The following TMEM38B variants were observed in gnomAD, a reference collection of about 807,000 sequenced individuals.
TMEM38B encodes the protein trimeric intracellular cation channel type B.
A neutral mutation model predicts 28.7 loss-of-function variants in TMEM38B; 24 were observed. That is an observed-to-expected ratio of 0.84 (90% CI 0.61 to 1.18). The LOEUF is 1.18. Among genes scored for constraint, TMEM38B ranks in the 50% most tolerant of loss-of-function variants. The probability of loss-of-function intolerance (pLI) is 0.00; values close to 1 mark genes in which losing one functional copy is unlikely to be tolerated. For missense variants in TMEM38B, 380 were observed against 350.9 expected, an observed-to-expected ratio of 1.08 and a Z score of -0.66; for synonymous variants, 131 against 127.7, an observed-to-expected ratio of 1.03 and a Z score of -0.17.
intron 3 of TMEM38B, 112 bp downstream of exon 3, chr9:105,721,833 CTT>C: frequency 1.2e-6 from 1 of 823,916 alleles, no homozygotes; most frequent in Non-Finnish European, 1.7e-6. Context: ...ATAACAGAGA[CTT>C]TTTGGAAGGT....
chr9:105,707,101 G>A (rs1354485810), intron 2 of TMEM38B, among the ~76,000 whole-genome samples: 1 of 152,096 alleles, frequency 6.6e-6, no homozygotes, highest in Non-Finnish European at 1.5e-5. Context: ...TTTAATAGAA[G>A]CATTTCCAAT....
At chr9:105,710,513 TC>T in intron 2 of TMEM38B, 1 of 1,230,210 alleles carries the variant, frequency 8.1e-7, no homozygotes. Flanking sequence ...TGTCTTCCGA[TC>T]CCCCTGGGCA....
At chr9:105,720,161 T>C (rs1588413324) in intron 2 of TMEM38B, among the ~76,000 whole-genome samples, 1 of 152,118 alleles carries the variant, frequency 6.6e-6, no homozygotes, top group East Asian at 1.9e-4. Flanking sequence ...TCAAACTCTT[T>C]AATTATCAAC....
chr9:105,731,062 C>T (rs1836723804), intron 4 of TMEM38B, among the ~76,000 whole-genome samples: 1 of 152,020 alleles, frequency 6.6e-6, no homozygotes, highest in African/African-American at 2.4e-5. Flanking sequence ...GTCTCTATCT[C>T]CTTCAGTTCT....
At chr9:105,741,158 A>G (rs1837188556) in intron 4 of TMEM38B, among the ~76,000 whole-genome samples, 1 of 152,202 alleles carries the variant, frequency 6.6e-6, no homozygotes, top group African/African-American at 2.4e-5. Flanking sequence ...GAAGCTGAAA[A>G]AGACAAGGAA....
chr9:105,757,372 G>A (rs1436006434), intron 5 of TMEM38B, among the ~76,000 whole-genome samples: 1 of 152,126 alleles, frequency 6.6e-6, no homozygotes, highest in Non-Finnish European at 1.5e-5. Flanking sequence ...ATAAACATGA[G>A]TTTGCAAGTG....
intron 2 of TMEM38B, among the ~76,000 whole-genome samples, chr9:105,712,625 C>T (rs1381738052): frequency 6.6e-6 from 1 of 152,226 alleles, no homozygotes; most frequent in Admixed American, 6.5e-5. Context: ...GACATTAGCA[C>T]CCTTTTACAT....
chr9:105,750,146 G>A (rs943324567), intron 5 of TMEM38B, among the ~76,000 whole-genome samples: 8 of 152,094 alleles, frequency 5.3e-5, no homozygotes, highest in South Asian at 2.1e-4. Context: ...TCTTCTTTGG[G>A]AAAATATCTA....
chr9:105,710,934 C>T (rs1049977416), intron 2 of TMEM38B, among the ~76,000 whole-genome samples: 5 of 152,162 alleles, frequency 3.3e-5, no homozygotes, highest in Non-Finnish European at 5.9e-5. Context: ...TGCCCACCTC[C>T]TACCTCTGCG....
intron 5 of TMEM38B, among the ~76,000 whole-genome samples, chr9:105,765,231 A>G (rs577236326): frequency 1.3e-5 from 2 of 152,362 alleles, no homozygotes; most frequent in Non-Finnish European, 2.9e-5. Context: ...GGGTTTAGTT[A>G]CAATTTAAAA....
At chr9:105,740,259 T>TG (rs1837150127) in intron 4 of TMEM38B, among the ~76,000 whole-genome samples, 1 of 80,324 alleles carries the variant, frequency 1.2e-5, no homozygotes, top group African/African-American at 4.6e-5. Flanking sequence ...TATTCCTAGG[T>TG]GTTTTTTTTT....
intron 4 of TMEM38B, among the ~76,000 whole-genome samples, chr9:105,731,946 C>G (rs915275714): frequency 6.6e-6 from 1 of 152,142 alleles, no homozygotes; most frequent in Admixed American, 6.5e-5. Context: ...GTTCCTATTT[C>G]TCCACATCCT....
chr9:105,706,083 G>C (rs1425791504), intron 2 of TMEM38B, among the ~76,000 whole-genome samples: 1 of 152,028 alleles, frequency 6.6e-6, no homozygotes, highest in African/African-American at 2.4e-5. Flanking sequence ...TATTTTTGTA[G>C]AGACGGGGTT....
Position 105,776,206 on chromosome 9 carries a change from G to T in TMEM38B, c.*2126G>T, listed in dbSNP as rs1295357973. ...AATAGGTCTCCTTAAAAAAAAAAAG[G>T]AGACAAAAAGCTGGCAAGAACATGA... On this transcript the variant is annotated 3_prime_UTR_variant, in exon 6 of 6. Transcript: ENST00000374692. 1 of 151,950 alleles carries T rather than the reference G, an allele frequency of 6.6e-6. No individual in the cohort carries two copies. Among genetic ancestry groups the T allele is most frequent in the Non-Finnish European group, 1.5e-5 (1 of 67,976 alleles). The allele number at this position is 151,950 out of a possible 1,614,324, so 9.4% of individuals were successfully genotyped here. A position where few individuals can be genotyped will look rare whatever the true frequency, so the allele number is the denominator to read the frequency against.
chr9:105,771,721 A>C (rs1242124916), intron 5 of TMEM38B, among the ~76,000 whole-genome samples: 1 of 152,202 alleles, frequency 6.6e-6, no homozygotes, highest in African/African-American at 2.4e-5. Flanking sequence ...CTTGGAGGTT[A>C]ATGTTATATT....
At chr9:105,708,794 C>T (rs1178376680) in intron 2 of TMEM38B, among the ~76,000 whole-genome samples, 1 of 152,044 alleles carries the variant, frequency 6.6e-6, no homozygotes, top group East Asian at 1.9e-4. Context: ...CCATGACTAT[C>T]ACATCATCCT....
chr9:105,765,959 G>A (rs531807101), intron 5 of TMEM38B, among the ~76,000 whole-genome samples: 6 of 152,056 alleles, frequency 3.9e-5, no homozygotes, highest in East Asian at 1.9e-4. Flanking sequence ...ATGCCACCAC[G>A]CCTGGCTAAT....
At chr9:105,723,020 A>G (rs916157592) in intron 4 of TMEM38B, among the ~76,000 whole-genome samples, 4 of 152,198 alleles carry the variant, frequency 2.6e-5, no homozygotes, top group Admixed American at 2.6e-4. Flanking sequence ...CAGGCTATAT[A>G]TGTAGTTCTG....
At chr9:105,721,282 A>G (rs1842234596) in intron 2 of TMEM38B, among the ~76,000 whole-genome samples, 1 of 152,206 alleles carries the variant, frequency 6.6e-6, no homozygotes, top group Non-Finnish European at 1.5e-5. Flanking sequence ...TATTTCATAT[A>G]TCTATAAAGT....
Sources: gnomAD v4.1 joint callset for allele counts (sites outside exome capture counted in the v4.1 genomes callset) on GRCh38, gnomAD v4.1.1 for gene constraint, MANE v1.5 for transcripts, NCBI Gene and HGNC (gene_info 2026-07-23, HGNC 2026-07-21) for gene names.